RBMS1: variants seen among roughly 807,000 people sequenced by gnomAD.
RBMS1 encodes RNA-binding motif, single-stranded-interacting protein 1.
Under a neutral mutation model 62.3 loss-of-function variants are expected in RBMS1, and 17 were observed. The ratio of observed to expected loss-of-function variants is 0.27; its 90% CI spans 0.19 to 0.41. RBMS1 has a LOEUF of 0.41. Among genes scored for constraint, RBMS1 ranks in the 10% least tolerant of loss-of-function variants. The pLI is 1.00. For missense variants in RBMS1, 334 were observed against 504.5 expected (o/e 0.66, Z 3.24); for synonymous variants, 172 against 170.0 (o/e 1.01, Z -0.09).
intron 2 of RBMS1, among the ~76,000 whole-genome samples, chr2:160,355,589 C>T (rs1692753626): frequency 6.6e-6 from 1 of 152,078 alleles, no homozygotes; most frequent in South Asian, 2.1e-4. Context: ...GCATGTATCA[C>T]CCACCTTCTC....
intron 1 of RBMS1, among the ~76,000 whole-genome samples, chr2:160,450,455 G>A (rs746604872): frequency 4.0e-5 from 6 of 149,854 alleles, no homozygotes; most frequent in African/African-American, 9.8e-5. Context: ...CAGGAAAATC[G>A]CTTGAACCCA....
chr2:160,319,020 A>G (rs1176501250), intron 2 of RBMS1, among the ~76,000 whole-genome samples: 1 of 152,196 alleles, frequency 6.6e-6, no homozygotes, highest in Non-Finnish European at 1.5e-5. Flanking sequence ...ATGCTGGGGA[A>G]TATAGGAAAA....
At chr2:160,483,969 G>A (rs1479003939) in intron 1 of RBMS1, among the ~76,000 whole-genome samples, 2 of 146,712 alleles carry the variant, frequency 1.4e-5, no homozygotes, top group East Asian at 4.0e-4. Flanking sequence ...GCATAGATTT[G>A]TTCAGTATTT....
At chr2:160,323,608 GAAAGAAAA>G (rs1690708502) in intron 2 of RBMS1, among the ~76,000 whole-genome samples, 2 of 84,738 alleles carry the variant, frequency 2.4e-5, no homozygotes, top group African/African-American at 8.8e-5. Flanking sequence ...AGAATTTCAT[GAAAGAAAA>G]AAAAAAAAAA....
intron 1 of RBMS1, among the ~76,000 whole-genome samples, chr2:160,415,450 A>C (rs778665749): frequency 6.6e-6 from 1 of 152,144 alleles, no homozygotes; most frequent in Non-Finnish European, 1.5e-5. Context: ...CACTCTTGCT[A>C]CTAGGACCTG....
intron 1 of RBMS1, among the ~76,000 whole-genome samples, chr2:160,433,447 T>C (rs1020127579): frequency 6.6e-6 from 1 of 152,218 alleles, no homozygotes; most frequent in Non-Finnish European, 1.5e-5. Context: ...AAAAAAACTT[T>C]AAAACAAGTT....
chr2:160,295,984 G>A (rs1313170440), intron 6 of RBMS1, among the ~76,000 whole-genome samples: 1 of 152,232 alleles, frequency 6.6e-6, no homozygotes, highest in Non-Finnish European at 1.5e-5. Context: ...TCACAAGTAG[G>A]TGGAATAGTC....
At chr2:160,284,491 A>C (rs1486168931) in intron 9 of RBMS1, 1 of 407,762 alleles carries the variant, frequency 2.5e-6, no homozygotes, top group African/African-American at 2.0e-5. Context: ...CATGGTGTCC[A>C]AAAGCAGGGC....
At chr2:160,277,535 A>G in intron 11 of RBMS1, 152 bp from the exon 12 acceptor site, 1 of 472,600 alleles carries the variant, frequency 2.1e-6, no homozygotes, top group Non-Finnish European at 3.8e-6. Context: ...GTGCATATAA[A>G]TATGTCATAT....
intron 12 of RBMS1, among the ~76,000 whole-genome samples, chr2:160,276,906 G>A (rs574486287): frequency 6.6e-6 from 1 of 152,144 alleles, no homozygotes; most frequent in Non-Finnish European, 1.5e-5. Flanking sequence ...AGTCTTAAGA[G>A]GTGTGGCCTG....
chr2:160,293,776 T>C (rs568095007), intron 6 of RBMS1, among the ~76,000 whole-genome samples: 2 of 152,298 alleles, frequency 1.3e-5, no homozygotes, highest in South Asian at 4.1e-4. Context: ...TACGCATTAG[T>C]CTTCTCAAAG....
In RBMS1 at chr2:160,493,536, C is replaced by CTCT; in HGVS notation, c.-174_-173insAGA. The CTCT allele has an allele frequency of 3.2e-6, 2 of 622,748 alleles. No individual in the cohort carries two copies. The highest frequency in any genetic ancestry group is 1.9e-5 in the South Asian group (1 of 53,854). 38.6% of individuals were successfully genotyped at this position (622,748 alleles called of 1,614,324 possible). On this transcript the variant is annotated 5_prime_UTR_variant, in exon 1 of 14. Transcript: ENST00000348849. Reference sequence around the variant, plus strand: ...GGGACCAGACGTCCTCCTCCTCCTCCTCCTCTTCCTCCTCCTCCTCCTCCT... The same window carrying CTCT: ...GGGACCAGACGTCCTCCTCCTCCTCCTCTTCCTCTTCCTCCTCCTCCTCCTCCT...
rs910205855 is a variant in RBMS1, at chr2:160,451,166, A to AAAATAAAT, written c.75+42115_75+42122dup. On this transcript the variant is annotated intron_variant, in intron 1 of 13. Coordinates refer to ENST00000348849, the MANE Select transcript of RBMS1 (RefSeq NM_016836.4). ...AGCAAGACCATGCTTCAGAAAAAAA[A>AAAATAAAT]AAATAAATAAATAAAAACTAGAGAA... is the stretch of plus-strand genomic sequence containing the variant. 6.0e-3 allele frequency among the ~76,000 whole-genome samples: 906 copies of AAAATAAAT among 150,498 alleles called. 9 individuals are homozygous for AAAATAAAT. Among genetic ancestry groups the AAAATAAAT allele is most frequent in the Middle Eastern group, 0.01 (3 of 292 alleles).
chr2:160,449,549 C>T (rs1306879095), intron 1 of RBMS1, among the ~76,000 whole-genome samples: 1 of 152,300 alleles, frequency 6.6e-6, no homozygotes, highest in Non-Finnish European at 1.5e-5. Context: ...CTCTCTGAAA[C>T]ATGTGCTGTG....
intron 1 of RBMS1, among the ~76,000 whole-genome samples, chr2:160,372,581 C>A (rs1446965991): frequency 6.6e-6 from 1 of 152,210 alleles, no homozygotes; most frequent in East Asian, 1.9e-4. Context: ...CAGTTCCTCT[C>A]TGTATGCTTT....
At chr2:160,302,889 G>A (rs902960882) in intron 5 of RBMS1, 8 of 152,998 alleles carry the variant, frequency 5.2e-5, no homozygotes, top group African/African-American at 1.9e-4. Context: ...CAGTTATCAT[G>A]TCCTTGTCTT....
intron 1 of RBMS1, among the ~76,000 whole-genome samples, chr2:160,484,994 GT>G (rs1685539681): frequency 1.3e-5 from 2 of 152,148 alleles, no homozygotes; most frequent in Admixed American, 1.3e-4. Flanking sequence ...CTCAAGAGAT[GT>G]TTGCTTGATT....
chr2:160,404,472 T>C (rs1695591029), intron 1 of RBMS1, among the ~76,000 whole-genome samples: 1 of 152,096 alleles, frequency 6.6e-6, no homozygotes, highest in Non-Finnish European at 1.5e-5. Flanking sequence ...AAAATAGCAA[T>C]AAAACAATTT....
intron 1 of RBMS1, among the ~76,000 whole-genome samples, chr2:160,453,032 C>T (rs1559570001): frequency 6.6e-6 from 1 of 152,134 alleles, no homozygotes; most frequent in African/African-American, 2.4e-5. Context: ...TAACAAAGCA[C>T]TAACCACAGG....
Sources: gnomAD v4.1 joint callset for allele counts (sites outside exome capture counted in the v4.1 genomes callset) on GRCh38, gnomAD v4.1.1 for gene constraint, MANE v1.5 for transcripts, NCBI Gene and HGNC (gene_info 2026-07-23, HGNC 2026-07-21) for gene names.